The following PPP6R3 variants were observed in gnomAD, a reference collection of about 807,000 sequenced individuals.
The protein encoded by PPP6R3 is serine/threonine-protein phosphatase 6 regulatory subunit 3.
Under a neutral mutation model 110.7 loss-of-function variants are expected in PPP6R3, and 38 were observed. The ratio of observed to expected loss-of-function variants is 0.34; its 90% confidence interval spans 0.26 to 0.45. PPP6R3 has a LOEUF of 0.45. Among genes scored for constraint, PPP6R3 ranks in the 20% least tolerant of loss-of-function variants. The pLI, the probability that PPP6R3 is intolerant of heterozygous loss-of-function variation, is 1.00. For synonymous variants in PPP6R3, 369 were observed against 373.5 expected, an observed-to-expected ratio of 0.99 and a Z score of 0.14; for missense variants, 870 against 1,062.4, an observed-to-expected ratio of 0.82 and a Z score of 2.52.
chr11:68,569,773 A>G lies in PPP6R3; in HGVS notation c.1154A>G (p.Asn385Ser). 6.2e-7 allele frequency: 1 copy of G among 1,601,040 alleles called. No homozygotes were observed. The highest frequency in any genetic ancestry group is 1.1e-5 in the South Asian group (1 of 89,326). Residue 385 changes from asparagine to serine, a missense_variant, in exon 11 of 24, where the codon AAT becomes AGT. Asn to Ser is a conservative substitution (Grantham distance 46). Coordinates refer to ENST00000393800, the MANE Select transcript of PPP6R3 (RefSeq NM_001164161.2). ...ILNMFFKYTWNNFLHTQVEIC... is the reference protein window; with the variant it reads ...ILNMFFKYTWSNFLHTQVEIC... ...AACATGTTCTTCAAGTATACATGGA[A>G]TAACTTTTTGCATACACAAGTGGAA...
intron 2 of PPP6R3, among the ~76,000 whole-genome samples, chr11:68,530,269 A>C (rs1412751896): frequency 6.6e-6 from 1 of 152,086 alleles, no homozygotes; most frequent in East Asian, 1.9e-4. Flanking sequence ...GGGAGTGCTG[A>C]AGGGAGACTT....
At chr11:68,504,885 C>T (rs1412367136) in intron 1 of PPP6R3, among the ~76,000 whole-genome samples, 3 of 152,152 alleles carry the variant, frequency 2.0e-5, no homozygotes, top group African/African-American at 4.8e-5. Flanking sequence ...AAACTAGGCA[C>T]GTGCCAGTAG....
intron 22 of PPP6R3, among the ~76,000 whole-genome samples, chr11:68,608,356 C>T (rs1447619398): frequency 1.3e-5 from 2 of 152,132 alleles, no homozygotes; most frequent in African/African-American, 2.4e-5. Context: ...TAAACGATAA[C>T]AATATAGGAC....
intron 1 of PPP6R3, among the ~76,000 whole-genome samples, chr11:68,485,707 A>G (rs1334318933): frequency 1.3e-5 from 2 of 151,170 alleles, no homozygotes; most frequent in Non-Finnish European, 3.0e-5. Context: ...AAAATTATTT[A>G]TTTTGAGACA....
At chr11:68,522,767 C>T (rs1050422161) in intron 2 of PPP6R3, 6 of 152,200 alleles carry the variant, frequency 3.9e-5, no homozygotes, top group Admixed American at 1.3e-4. Context: ...TATACACCAC[C>T]GGAATCAGTT....
At chr11:68,599,621 T>TA (rs2153927634) in intron 19 of PPP6R3, among the ~76,000 whole-genome samples, 1 of 152,372 alleles carries the variant, frequency 6.6e-6, no homozygotes, top group South Asian at 2.1e-4. Context: ...GTTCTTTTTT[T>TA]AGAAAAATAA....
rs1944948446 is a variant in PPP6R3 at position 68,614,885 on chromosome 11, C to G, written c.*1768C>G. 3.4e-6 allele frequency: 3 copies of G among 874,120 alleles called. No homozygotes were observed. The highest frequency in any genetic ancestry group is 2.0e-5 in the Admixed American group (1 of 49,276). 54.1% of individuals were successfully genotyped at this position (874,120 alleles called of 1,614,324 possible). A position where few individuals can be genotyped will look rare whatever the true frequency, so the allele number is the denominator to read the frequency against. ...TCGGGGATTACTGGTAGATAATATGCTCTGGTCTCGCCTGGTGGTGAGTTT... is the reference window on the plus strand; with the variant it reads ...TCGGGGATTACTGGTAGATAATATGGTCTGGTCTCGCCTGGTGGTGAGTTT... On this transcript the variant is annotated 3_prime_UTR_variant, in exon 24 of 24. Transcript: ENST00000393800.
At chr11:68,525,184 A>C (rs1200662614) in intron 2 of PPP6R3, among the ~76,000 whole-genome samples, 1 of 152,164 alleles carries the variant, frequency 6.6e-6, no homozygotes, top group Non-Finnish European at 1.5e-5. Context: ...GTTTTTTTCC[A>C]TCTGCAAAAT....
chr11:68,475,310 C>T (rs2098820723), intron 1 of PPP6R3, among the ~76,000 whole-genome samples: 1 of 152,208 alleles, frequency 6.6e-6, no homozygotes, highest in Admixed American at 6.5e-5. Flanking sequence ...CCCATGTCTA[C>T]TTCTTTCTAC....
intron 7 of PPP6R3, among the ~76,000 whole-genome samples, chr11:68,556,551 G>GAAA (rs779111990): frequency 2.8e-5 from 3 of 108,788 alleles, no homozygotes; most frequent in African/African-American, 6.6e-5. Context: ...AAAAAAAAAC[G>GAAA]AAAAAAAAAA....
intron 5 of PPP6R3, 150 bp from the exon 6 acceptor site, chr11:68,550,971 G>A (rs577372729): frequency 8.7e-6 from 5 of 575,224 alleles, no homozygotes; most frequent in South Asian, 8.0e-5. Context: ...TTCCTTGGGG[G>A]ACTTTTAATT....
chr11:68,516,354 C>T (rs1174918339), intron 1 of PPP6R3, among the ~76,000 whole-genome samples: 2 of 152,146 alleles, frequency 1.3e-5, no homozygotes, highest in East Asian at 1.9e-4. Flanking sequence ...ACAATATGGA[C>T]ACACAATACA....
At chr11:68,470,599 C>T (rs1205481469) in intron 1 of PPP6R3, among the ~76,000 whole-genome samples, 1 of 152,120 alleles carries the variant, frequency 6.6e-6, no homozygotes, top group Non-Finnish European at 1.5e-5. Context: ...TCTAAAGGTC[C>T]CACTGTCCTG....
In PPP6R3 at chr11:68,614,052, A is replaced by G. The variant is rs1166692464; in HGVS notation, c.*935A>G. Reference sequence around the variant, plus strand: ...AATCTGCATATTTAACAGACCTAAAATAAATCCTATTAGGCAAGTCAGTTG... The same window carrying G: ...AATCTGCATATTTAACAGACCTAAAGTAAATCCTATTAGGCAAGTCAGTTG... On this transcript the variant is annotated 3_prime_UTR_variant, in exon 24 of 24. Coordinates refer to ENST00000393800, the MANE Select transcript of PPP6R3 (RefSeq NM_001164161.2). 1 of 985,720 alleles carries G rather than the reference A, an allele frequency of 1.0e-6. No individual in the cohort carries two copies. The highest frequency in any genetic ancestry group is 1.2e-6 in the Non-Finnish European group (1 of 829,968). The allele number at this position is 985,720 out of a possible 1,614,324, so 61.1% of individuals were successfully genotyped here.
At chr11:68,612,733 C>A (rs574005379) in intron 23 of PPP6R3, among the ~76,000 whole-genome samples, 22 of 152,212 alleles carry the variant, frequency 1.4e-4, no homozygotes, top group Middle Eastern at 3.4e-3. Context: ...ACACATAGCT[C>A]CTGAAGGCTC....
In PPP6R3 at chr11:68,512,364, T is replaced by A. The variant is rs139940406; in HGVS notation, c.-157-7137T>A. On this transcript the variant is annotated intron_variant, in intron 1 of 23. Coordinates refer to ENST00000393800, the MANE Select transcript of PPP6R3 (RefSeq NM_001164161.2). ...CCAATCATCATACCAGATGACACAG[T>A]CTGGAGCACCATAATCCCAAATGTT... 4.6e-5 allele frequency among the ~76,000 whole-genome samples: 7 copies of A among 152,262 alleles called. No individual in the cohort carries two copies. The East Asian group carries it at 7.7e-4, about 17-fold the overall frequency.
chr11:68,545,882 A>G (rs2099347252), intron 4 of PPP6R3, among the ~76,000 whole-genome samples: 1 of 152,258 alleles, frequency 6.6e-6, no homozygotes, highest in African/African-American at 2.4e-5. Context: ...CAGATATTCA[A>G]GTATAAACTA....
At chr11:68,573,143 TATATATATATAA>T (rs1565934988) in intron 12 of PPP6R3, among the ~76,000 whole-genome samples, 6 of 113,198 alleles carry the variant, frequency 5.3e-5, no homozygotes, top group Admixed American at 9.3e-5. Context: ...TATATATATA[TATATATATATAA>T]TTTTTTTTTT....
chr11:68,611,669 A>G (rs965546288), intron 23 of PPP6R3, among the ~76,000 whole-genome samples: 2 of 152,026 alleles, frequency 1.3e-5, no homozygotes. Context: ...GGCATACTAG[A>G]GGCACATTCA....
Sources: allele counts gnomAD v4.1 joint callset (sites outside exome capture counted in the v4.1 genomes callset), GRCh38; gene constraint gnomAD v4.1.1; transcripts MANE v1.5; gene names NCBI Gene and HGNC (gene_info 2026-07-23, HGNC 2026-07-21).